The following KCNN2 variants were observed in gnomAD, a reference collection of about 807,000 sequenced individuals.
KCNN2 encodes potassium calcium-activated channel subfamily N member 2.
A neutral mutation model predicts 55.5 loss-of-function variants in KCNN2; 24 were observed. The ratio of observed to expected loss-of-function variants is 0.43; its 90% CI spans 0.31 to 0.61. KCNN2 has a LOEUF of 0.61. Among genes scored for constraint, KCNN2 ranks in the 20% least tolerant of loss-of-function variants. The probability of loss-of-function intolerance (pLI) is 0.08; values close to 1 mark genes in which losing one functional copy is unlikely to be tolerated. For missense variants in KCNN2, 754 were observed against 853.6 expected (o/e 0.88, Z 1.45); for synonymous variants, 431 against 336.1 (o/e 1.28, Z -3.09).
At chr5:114,287,706 G>A (rs1755783963) in intron 2 of KCNN2, among the ~76,000 whole-genome samples, 1 of 151,480 alleles carries the variant, frequency 6.6e-6, no homozygotes, top group South Asian at 2.1e-4. Context: ...CATGGCACAT[G>A]TATACCTATG....
chr5:114,452,187 A>T lies in KCNN2; in HGVS notation c.1638-10862A>T, dbSNP rs551118720. 2.6e-5 allele frequency among the ~76,000 whole-genome samples: 4 copies of T among 152,294 alleles called. No individual in the cohort carries two copies. The East Asian group carries it at 7.7e-4, about 29-fold the overall frequency. On this transcript the variant is annotated intron_variant, in intron 3 of 7. Transcript: ENST00000673685. ...AATTAGTTCCAGAGAGAGTAGTTTC[A>T]TACATAAAACTACAGCATTTATACT...
intron 1 of KCNN2, among the ~76,000 whole-genome samples, chr5:114,116,251 A>G (rs1486862989): frequency 1.3e-5 from 2 of 152,134 alleles, no homozygotes; most frequent in Non-Finnish European, 2.9e-5. Context: ...GGATGGGAGA[A>G]TGAATGTCAG....
At chr5:114,151,983 A>G (rs138673348) in intron 1 of KCNN2, among the ~76,000 whole-genome samples, 7 of 152,334 alleles carry the variant, frequency 4.6e-5, no homozygotes, top group East Asian at 1.9e-4. Context: ...AGTGCCAGAT[A>G]TATTATATTG....
chr5:114,125,888 T>TGAGGA (rs1751921036), intron 1 of KCNN2, among the ~76,000 whole-genome samples: 1 of 152,158 alleles, frequency 6.6e-6, no homozygotes, highest in African/African-American at 2.4e-5. Flanking sequence ...TTAACTTAAT[T>TGAGGA]ACCTCTTAAA....
chr5:114,306,006 A>C (rs1325440692), intron 2 of KCNN2, among the ~76,000 whole-genome samples: 1 of 152,216 alleles, frequency 6.6e-6, no homozygotes, highest in African/African-American at 2.4e-5. Context: ...TGATGTCATC[A>C]ACTGTAGTGA....
At chr5:114,421,631 C>T (rs895522845) in intron 3 of KCNN2, among the ~76,000 whole-genome samples, 26 of 151,572 alleles carry the variant, frequency 1.7e-4, no homozygotes, top group Admixed American at 9.9e-4. Flanking sequence ...TTTTTTGAGA[C>T]GGAATTTCAC....
Position 114,258,916 on chromosome 5 carries a change from ACAGCC to A in KCNN2, c.-185+37357_-185+37361del, listed in dbSNP as rs377295427. ...GAGGATGGGGGTCTCACTTTTCATG[ACAGCC>A]CAGCCTGGTGGGCACACCACCAGTG... On this transcript the variant is annotated intron_variant, in intron 2 of 10. Transcript: ENST00000512097. 1.8e-3 allele frequency among the ~76,000 whole-genome samples: 278 copies of A among 152,268 alleles called. 2 individuals carry two copies. The highest frequency in any genetic ancestry group is 6.5e-3 in the African/African-American group (270 of 41,556).
In KCNN2 at chr5:114,404,519, C is replaced by T; in HGVS notation, c.1300C>T (p.Leu434=). ...ERIFFICLEI[L]VCAIHPIPGN... Reference sequence around the variant, plus strand: ...TATTTTCTTCATCTGCTTGGAAATACTGGTGTGTGCTATTCATCCCATACC... The same window carrying T: ...TATTTTCTTCATCTGCTTGGAAATATTGGTGTGTGCTATTCATCCCATACC... The change falls in exon 3 of 8, where the codon CTG becomes TTG. Residue 434 remains leucine, a synonymous_variant. Coordinates refer to ENST00000673685, the MANE Select transcript of KCNN2 (RefSeq NM_021614.4). The T allele has an allele frequency of 6.2e-7, 1 of 1,613,580 alleles. No individual in the cohort carries two copies. The highest frequency in any genetic ancestry group is 8.5e-7 in the Non-Finnish European group (1 of 1,179,834).
chr5:114,376,320 C>G lies in KCNN2; in HGVS notation c.1218+12319C>G, dbSNP rs376810930. ...CAGAACATCCTTCCTGCACAGAGAC[C>G]ACACGGAACACTCAGTGGGCCTGCA... On this transcript the variant is annotated intron_variant, in intron 2 of 7. Transcript: ENST00000673685. Among the ~76,000 whole-genome samples, 19 of 152,270 alleles carry G rather than the reference C, an allele frequency of 1.2e-4. 1 individual carries two copies. The East Asian group carries it at 2.5e-3, about 20-fold the overall frequency.
chr5:114,234,634 G>A (rs1044625077), intron 2 of KCNN2, among the ~76,000 whole-genome samples: 8 of 151,512 alleles, frequency 5.3e-5, no homozygotes, highest in African/African-American at 1.2e-4. Context: ...CTTCCTTCAC[G>A]GTTGTTGAGA....
chr5:114,269,319 G>A (rs1468843039), intron 2 of KCNN2, among the ~76,000 whole-genome samples: 1 of 152,142 alleles, frequency 6.6e-6, no homozygotes, highest in Non-Finnish European at 1.5e-5. Flanking sequence ...CTTGATATAA[G>A]TTTCACTTAA....
chr5:114,449,702 T>G (rs1229609572), intron 3 of KCNN2, among the ~76,000 whole-genome samples: 1 of 152,198 alleles, frequency 6.6e-6, no homozygotes, highest in Non-Finnish European at 1.5e-5. Flanking sequence ...AAATGCAGGT[T>G]CATTTCCAAC....
chr5:114,419,521 C>T (rs1046794574), intron 3 of KCNN2, among the ~76,000 whole-genome samples: 1 of 152,140 alleles, frequency 6.6e-6, no homozygotes, highest in South Asian at 2.1e-4. Flanking sequence ...CACCCCCTAC[C>T]AAATAATCAC....
chr5:114,285,917 C>CT lies in KCNN2; in HGVS notation c.-185+64369dup, dbSNP rs5870595. Among the ~76,000 whole-genome samples the CT allele has an allele frequency of 2.5e-3, 339 of 134,726 alleles. 1 individual carries two copies. The highest frequency in any genetic ancestry group is 8.8e-3 in the African/African-American group (322 of 36,710). 88.4% of individuals were successfully genotyped at this position (134,726 alleles called of 152,430 possible). The stretch of plus-strand genomic sequence containing the variant: ...TCTGAGGCACCTACAATTTGGGAAG[C>CT]TTTTTTTTTTTTTTTTTCTCTGACG... On this transcript the variant is annotated intron_variant, in intron 2 of 10. Transcript: ENST00000512097.
chr5:114,122,592 G>T (rs936721259), intron 1 of KCNN2, among the ~76,000 whole-genome samples: 2 of 152,142 alleles, frequency 1.3e-5, no homozygotes, highest in South Asian at 2.1e-4. Context: ...GGATGTCTTT[G>T]TTGGGTAGGA....
chr5:114,278,048 TTGA>T (rs2150011462), intron 2 of KCNN2, among the ~76,000 whole-genome samples: 1 of 152,326 alleles, frequency 6.6e-6, no homozygotes, highest in South Asian at 2.1e-4. Context: ...TTTGTTGATG[TTGA>T]TGATATTACT....
intron 2 of KCNN2, among the ~76,000 whole-genome samples, chr5:114,305,823 A>G (rs1180705099): frequency 6.6e-6 from 1 of 152,216 alleles, no homozygotes; most frequent in Non-Finnish European, 1.5e-5. Context: ...TGCTCACTGC[A>G]AAGGAGAGAT....
intron 2 of KCNN2, among the ~76,000 whole-genome samples, chr5:114,231,571 A>G (rs1306559018): frequency 6.6e-6 from 1 of 151,194 alleles, no homozygotes; most frequent in East Asian, 1.9e-4. Context: ...GTGTGTTTAC[A>G]TGATGGTAGA....
At chr5:114,483,528 G>A (rs1762322511) in intron 5 of KCNN2, among the ~76,000 whole-genome samples, 1 of 151,890 alleles carries the variant, frequency 6.6e-6, no homozygotes, top group African/African-American at 2.4e-5. Context: ...CACTCATCTC[G>A]GCCTCCCAAA....
Sources: gnomAD v4.1 joint callset for allele counts (sites outside exome capture counted in the v4.1 genomes callset) on GRCh38, gnomAD v4.1.1 for gene constraint, MANE v1.5 for transcripts, NCBI Gene and HGNC (gene_info 2026-07-23, HGNC 2026-07-21) for gene names.